ADAMTS18: variants seen among roughly 807,000 people sequenced by gnomAD.
ADAMTS18 encodes the protein ADAM metallopeptidase with thrombospondin type 1 motif 18.
A neutral mutation model predicts 165.9 loss-of-function variants in ADAMTS18; 157 were observed. The ratio of observed to expected loss-of-function variants is 0.95; its 90% CI spans 0.83 to 1.08. The LOEUF is 1.08. ADAMTS18 is among the 50% of genes least tolerant of loss of function. The probability of loss-of-function intolerance (pLI) is 0.00; values close to 1 mark genes in which losing one functional copy is unlikely to be tolerated. For missense variants in ADAMTS18, 2,040 were observed against 1,534.0 expected (o/e 1.33, Z -5.51); for synonymous variants, 782 against 578.2 (o/e 1.35, Z -5.06).
intron 3 of ADAMTS18, among the ~76,000 whole-genome samples, chr16:77,377,026 G>A (rs554221584): frequency 1.3e-5 from 2 of 152,152 alleles, no homozygotes; most frequent in East Asian, 3.9e-4. Context: ...CATTGGCCAG[G>A]CTGGTCTTGA....
At chr16:77,407,353 A>G (rs537298828) in intron 3 of ADAMTS18, among the ~76,000 whole-genome samples, 2 of 152,138 alleles carry the variant, frequency 1.3e-5, no homozygotes, top group Non-Finnish European at 2.9e-5. Context: ...ACCAAATTAG[A>G]TGTACCATGT....
rs34453966 is a variant in ADAMTS18 at position 77,411,677 on chromosome 16, A to ATTTTTTT, written c.495+19611_495+19617dup. On this transcript the variant is annotated intron_variant, in intron 3 of 22. Coordinates refer to ENST00000282849, the MANE Select transcript of ADAMTS18 (RefSeq NM_199355.4). ...CTTGATGGACCACAGAGTATCCAGA[A>ATTTTTTT]TTTTTTTTTTTTTTTTTTTTTTTTT... Among the ~76,000 whole-genome samples the ATTTTTTT allele has an allele frequency of 6.7e-3, 494 of 73,900 alleles. 72 individuals are homozygous for ATTTTTTT. Among genetic ancestry groups the ATTTTTTT allele is most frequent in the African/African-American group, 0.024 (451 of 18,760 alleles). 48.5% of individuals were successfully genotyped at this position (73,900 alleles called of 152,430 possible). A position where few individuals can be genotyped will look rare whatever the true frequency, so the allele number is the denominator to read the frequency against.
At position 77,283,661 on chromosome 16, in the gene ADAMTS18, C is replaced by T. The variant is rs549041031; in HGVS notation, c.*295G>A. Reference sequence around the variant, plus strand: ...AAAAGGGGGTCTCTCCCCAAATCGACGTATCTCAGTGTGATTCACCACTTC... The same window carrying T: ...AAAAGGGGGTCTCTCCCCAAATCGATGTATCTCAGTGTGATTCACCACTTC... On this transcript the variant is annotated 3_prime_UTR_variant, in exon 23 of 23. Coordinates refer to ENST00000282849, the MANE Select transcript of ADAMTS18 (RefSeq NM_199355.4). 9 of 360,570 alleles carry T rather than the reference C, an allele frequency of 2.5e-5. No individual in the cohort carries two copies. The highest frequency in any genetic ancestry group is 3.1e-5 in the Non-Finnish European group (6 of 191,690). 22.3% of individuals were successfully genotyped at this position (360,570 alleles called of 1,614,324 possible).
intron 3 of ADAMTS18, among the ~76,000 whole-genome samples, chr16:77,420,936 T>TAAA (rs1210325757): frequency 6.6e-6 from 1 of 152,118 alleles, no homozygotes; most frequent in East Asian, 1.9e-4. Flanking sequence ...CCATAGACAC[T>TAAA]AAAAAGTACT....
intron 3 of ADAMTS18, among the ~76,000 whole-genome samples, chr16:77,375,285 G>C (rs922007888): frequency 6.6e-6 from 1 of 152,090 alleles, no homozygotes; most frequent in Non-Finnish European, 1.5e-5. Flanking sequence ...GCCTCCCAAA[G>C]TGCTGGAATT....
chr16:77,427,295 A>T (rs562548668), intron 3 of ADAMTS18, among the ~76,000 whole-genome samples: 26 of 152,314 alleles, frequency 1.7e-4, no homozygotes, highest in Admixed American at 1.6e-3. Context: ...GAGCAGTAAA[A>T]TTTTTAGATC....
At chr16:77,323,096 G>C (rs191210432) in intron 13 of ADAMTS18, among the ~76,000 whole-genome samples, 5 of 152,232 alleles carry the variant, frequency 3.3e-5, no homozygotes, top group African/African-American at 1.2e-4. Flanking sequence ...TTAAGTCCCT[G>C]AGATGTTTCT....
chr16:77,431,634 G>C (rs540771426), intron 2 of ADAMTS18, 23 bp from the exon 3 acceptor site: 1 of 1,612,222 alleles, frequency 6.2e-7, no homozygotes, highest in East Asian at 2.2e-5. Context: ...AAGTTCAGCT[G>C]TCAGCACCCA....
chr16:77,317,537 T>A (rs748313350), intron 16 of ADAMTS18, among the ~76,000 whole-genome samples: 2 of 152,234 alleles, frequency 1.3e-5, no homozygotes, highest in African/African-American at 4.8e-5. Context: ...TTCCGCCACG[T>A]TGGCCCAGCT....
At chr16:77,431,273 A>G (rs377074420) in intron 3 of ADAMTS18, 22 bp downstream of exon 3, 5 of 1,613,936 alleles carry the variant, frequency 3.1e-6, no homozygotes, top group Middle Eastern at 1.6e-4. Context: ...AGGGAGCTCA[A>G]CTCAGACTGG....
chr16:77,300,754 C>A (rs2055567131), intron 16 of ADAMTS18, among the ~76,000 whole-genome samples: 1 of 152,050 alleles, frequency 6.6e-6, no homozygotes, highest in Admixed American at 6.6e-5. Flanking sequence ...TGGGTCTAAA[C>A]CCTAACTTAA....
At chr16:77,314,787 A>ACATATATATATATAT (rs1567474883) in intron 16 of ADAMTS18, among the ~76,000 whole-genome samples, 1 of 49,326 alleles carries the variant, frequency 2.0e-5, no homozygotes, top group Non-Finnish European at 3.9e-5. Flanking sequence ...TATATATATA[A>ACATATATATATATAT]AATATATGTG....
chr16:77,423,156 G>A (rs1417565152), intron 3 of ADAMTS18, among the ~76,000 whole-genome samples: 3 of 152,224 alleles, frequency 2.0e-5, no homozygotes, highest in South Asian at 2.1e-4. Flanking sequence ...CACCTCAGAC[G>A]TTAACTACTT....
At chr16:77,331,796 C>A (rs75017399) in intron 12 of ADAMTS18, among the ~76,000 whole-genome samples, 1,638 of 152,282 alleles carry the variant, frequency 0.011, 29 homozygotes, top group African/African-American at 0.037. Context: ...ATAGTGCTGA[C>A]ATTGAAAAGC....
chr16:77,431,432 T>A lies in ADAMTS18; in HGVS notation c.358A>T (p.Ser120Cys). The change falls in exon 3 of 23, where the codon AGT (serine) becomes TGT (cysteine). Residue 120 changes from serine (S) to cysteine (C), a missense_variant. Transcript: ENST00000282849. ...CCAAGTACCTGGACAATAAAGTGACTGCTCAAAATCGCCGAGGGCTTAAGT... is the reference window on the plus strand; with the variant it reads ...CCAAGTACCTGGACAATAAAGTGACAGCTCAAAATCGCCGAGGGCTTAAGT... The part of the protein sequence containing the change: ...LELKPSAILS[S>C]HFIVQVLGKD... The A allele has an allele frequency of 6.2e-7, 1 of 1,614,214 alleles. No homozygotes were observed. Among genetic ancestry groups the A allele is most frequent in the Non-Finnish European group, 8.5e-7 (1 of 1,180,042 alleles).
Position 77,321,095 on chromosome 16 carries a change from G to T in ADAMTS18, c.2271C>A (p.Asn757Lys). ...TCKFYKGLYL[N>K]QHKANEYYPV... is the part of the protein sequence containing the mutation. ...ATCTCTCACCATTTGCTTTATGCTG[G>T]TTGAGGTACAGGCCTTTATAAAACT... The change falls in exon 15 of 23, where the codon AAC (asparagine) becomes AAA (lysine). Residue 757 changes from asparagine (N) to lysine (K), a missense_variant. Coordinates refer to ENST00000282849, the MANE Select transcript of ADAMTS18 (RefSeq NM_199355.4). The T allele has an allele frequency of 1.2e-6, 2 of 1,614,154 alleles. No homozygotes were observed. The highest frequency in any genetic ancestry group is 2.2e-5 in the East Asian group (1 of 44,876).
At chr16:77,387,756 T>C (rs372123768) in intron 3 of ADAMTS18, among the ~76,000 whole-genome samples, 59 of 152,298 alleles carry the variant, frequency 3.9e-4, no homozygotes, top group Admixed American at 8.5e-4. Context: ...TAAGATAACA[T>C]GTGAACTGAG....
intron 11 of ADAMTS18, among the ~76,000 whole-genome samples, chr16:77,338,196 G>A (rs1004236881): frequency 5.3e-5 from 8 of 152,014 alleles, no homozygotes; most frequent in Admixed American, 1.3e-4. Flanking sequence ...GAGCCACCGC[G>A]CCTGGCTCCA....
At position 77,282,270 on chromosome 16, in the gene ADAMTS18, A is replaced by G. The variant is rs115408000; in HGVS notation, c.*1686T>C. ...ATTACTTAGAGAAGCAAGTGAGAAC[A>G]CATAATAGGCTATTAATTAATAAAT... On this transcript the variant is annotated 3_prime_UTR_variant, in exon 23 of 23. Coordinates refer to ENST00000282849, the MANE Select transcript of ADAMTS18 (RefSeq NM_199355.4). 3 of 152,142 alleles carry G rather than the reference A, an allele frequency of 2.0e-5. No homozygotes were observed. The highest frequency in any genetic ancestry group is 2.4e-5 in the African/African-American group (1 of 41,432). The allele number at this position is 152,142 out of a possible 1,614,324, so 9.4% of individuals were successfully genotyped here. A position where few individuals can be genotyped will look rare whatever the true frequency, so the allele number is the denominator to read the frequency against.
Sources: allele counts gnomAD v4.1 joint callset (sites outside exome capture counted in the v4.1 genomes callset), GRCh38; gene constraint gnomAD v4.1.1; transcripts MANE v1.5; gene names NCBI Gene and HGNC (gene_info 2026-07-23, HGNC 2026-07-21).